Variants in EPS15L1 observed in about 807,000 individuals in gnomAD.
EPS15L1 encodes epidermal growth factor receptor pathway substrate 15 like 1.
EPS15L1 carries 43 observed loss-of-function variants against 117.1 expected under a neutral mutation model. The observed-to-expected ratio is 0.37, with a 90% CI of 0.29 to 0.47. EPS15L1 has a LOEUF of 0.47. Among genes scored for constraint, EPS15L1 ranks in the 20% least tolerant of loss-of-function variants. The pLI is 0.99. For synonymous variants in EPS15L1, 459 were observed against 470.5 expected (o/e 0.98, Z 0.32); for missense variants, 981 against 1,164.0 (o/e 0.84, Z 2.29).
At chr19:16,416,530 T>C (rs1234129597) in intron 12 of EPS15L1, among the ~76,000 whole-genome samples, 1 of 151,628 alleles carries the variant, frequency 6.6e-6, no homozygotes, top group East Asian at 1.9e-4. Context: ...CTCAGCTTCC[T>C]GGGAGGGTGA....
chr19:16,393,827 G>T, intron 18 of EPS15L1, 124 bp downstream of exon 18: 1 of 987,702 alleles, frequency 1.0e-6, no homozygotes. Context: ...TGGATGGACG[G>T]CCGTCCTTCC....
Position 16,404,659 on chromosome 19 carries a change from C to G in EPS15L1, c.1357G>C (p.Asp453His). 1 of 1,614,202 alleles carries G rather than the reference C, an allele frequency of 6.2e-7. No homozygotes were observed. The highest frequency in any genetic ancestry group is 8.5e-7 in the Non-Finnish European group (1 of 1,180,038). Residue 453 changes from aspartate to histidine, a missense_variant, in exon 14 of 24, where the codon GAC becomes CAC. By Grantham distance (81) the Asp-to-His change is moderately conservative. Around this residue, in one of 5 missense-constraint regions of EPS15L1, gnomAD observed 819 missense variants for 949.0 expected, o/e 0.86. Transcript: ENST00000455140. The surrounding 1 kb of genome is among the most constrained non-coding windows in gnomAD (Gnocchi z 4.2). ...QDAQDRLDEM[D>H]QQKAKLRDML... Reference sequence around the variant, plus strand: ...TCTCGGAGCTTGGCCTTCTGCTGGTCCATCTCGTCCAGGCGGTCTTGAGCA... The same window carrying G: ...TCTCGGAGCTTGGCCTTCTGCTGGTGCATCTCGTCCAGGCGGTCTTGAGCA...
chr19:16,401,684 G>A, intron 16 of EPS15L1: 1 of 985,446 alleles, frequency 1.0e-6, no homozygotes, highest in Non-Finnish European at 1.2e-6. Flanking sequence ...AGGGGCTCAA[G>A]AGCTCTCAAA....
At chr19:16,427,890 T>G (rs2092887775) in intron 8 of EPS15L1, among the ~76,000 whole-genome samples, 1 of 145,756 alleles carries the variant, frequency 6.9e-6, no homozygotes, top group African/African-American at 2.6e-5. Context: ...CAAGACTCCG[T>G]GTCAAAAAAA....
intron 15 of EPS15L1, 55 bp downstream of exon 15, chr19:16,403,678 C>T: frequency 6.5e-7 from 1 of 1,532,012 alleles, no homozygotes; most frequent in Admixed American, 1.7e-5. Context: ...GCAGCCTCGG[C>T]TCTTGGGGCT....
rs2092629808 is a variant in EPS15L1 at position 16,404,014 on chromosome 19, C to T, written c.1429-84G>A. The T allele has an allele frequency of 7.6e-7, 1 of 1,317,886 alleles. No individual in the cohort carries two copies. Among genetic ancestry groups the T allele is most frequent in the Admixed American group, 2.0e-5 (1 of 49,988 alleles). 81.6% of individuals were successfully genotyped at this position (1,317,886 alleles called of 1,614,324 possible). A position where few individuals can be genotyped will look rare whatever the true frequency, so the allele number is the denominator to read the frequency against. On this transcript the variant is annotated intron_variant, in intron 14 of 23. Transcript: ENST00000455140. The surrounding 1 kb of genome is among the most constrained non-coding windows in gnomAD (Gnocchi z 4.2). ...CCGAGAAAGAACTCTTAGCCCCCAT[C>T]CCCGAAACAAGCTAAGCCAGGGACG...
chr19:16,439,826 A>T (rs957690777), intron 4 of EPS15L1, among the ~76,000 whole-genome samples: 4 of 152,214 alleles, frequency 2.6e-5, no homozygotes, highest in Non-Finnish European at 2.9e-5. Context: ...GTCCCTTCTA[A>T]CAAAATGGCC....
chr19:16,427,826 G>A (rs1049097254), intron 8 of EPS15L1, among the ~76,000 whole-genome samples: 4 of 152,092 alleles, frequency 2.6e-5, no homozygotes, highest in African/African-American at 7.2e-5. Flanking sequence ...CCCAGGAGGT[G>A]GAGGCTGCAG....
intron 21 of EPS15L1, among the ~76,000 whole-genome samples, chr19:16,379,029 C>T (rs79157206): frequency 0.02 from 3,009 of 152,258 alleles, 105 homozygotes; most frequent in African/African-American, 0.069. Flanking sequence ...CCTGGCCGGG[C>T]GCACTGGCTC....
chr19:16,404,434 T>G lies in EPS15L1; in HGVS notation c.1428+154A>C, dbSNP rs1230227565. On this transcript the variant is annotated intron_variant, in intron 14 of 23. Coordinates refer to ENST00000455140, the MANE Select transcript of EPS15L1 (RefSeq NM_001258374.3). The surrounding 1 kb of genome is among the most constrained non-coding windows in gnomAD (Gnocchi z 4.2). Reference sequence around the variant, plus strand: ...GGTGGCCAGGAAGTCAAGCCACAGGTGCTTGGACACTTTTCCACGTGGTGT... The same window carrying G: ...GGTGGCCAGGAAGTCAAGCCACAGGGGCTTGGACACTTTTCCACGTGGTGT... Among the ~76,000 whole-genome samples, 1 of 152,140 alleles carries G rather than the reference T, an allele frequency of 6.6e-6. No individual in the cohort carries two copies. Among genetic ancestry groups the G allele is most frequent in the African/African-American group, 2.4e-5 (1 of 41,436 alleles).
chr19:16,471,974 G>T (rs7252649), upstream of EPS15L1: 863,211 of 1,268,168 alleles, frequency 0.68, 296,098 homozygotes, highest in South Asian at 0.76. The surrounding 1 kb of genome is among the most constrained non-coding windows in gnomAD (Gnocchi z 4.8). Context: ...TCCGAGCGCC[G>T]GGGGAACGGG....
At chr19:16,465,871 G>T (rs758639764) in intron 1 of EPS15L1, among the ~76,000 whole-genome samples, 2 of 151,772 alleles carry the variant, frequency 1.3e-5, no homozygotes, top group African/African-American at 2.4e-5. Flanking sequence ...TCCAAGACAA[G>T]AAACTATGGT....
intron 22 of EPS15L1, among the ~76,000 whole-genome samples, chr19:16,368,430 T>C (rs1233695824): frequency 6.6e-6 from 1 of 152,170 alleles, no homozygotes; most frequent in African/African-American, 2.4e-5. Flanking sequence ...CAACTCCCAT[T>C]CATCCTACAC....
At chr19:16,397,652 A>G (rs1056420494) in intron 16 of EPS15L1, among the ~76,000 whole-genome samples, 8 of 152,176 alleles carry the variant, frequency 5.3e-5, no homozygotes, top group African/African-American at 1.9e-4. Context: ...GTACTTATGC[A>G]GTTAGAATTA....
intron 21 of EPS15L1, among the ~76,000 whole-genome samples, chr19:16,380,650 G>A (rs1478414923): frequency 6.6e-6 from 1 of 152,172 alleles, no homozygotes; most frequent in Non-Finnish European, 1.5e-5. Flanking sequence ...CAGTCACACT[G>A]ACACAGCTAT....
intron 16 of EPS15L1, chr19:16,401,630 G>C (rs763437798): frequency 3.0e-5 from 30 of 985,288 alleles, no homozygotes; most frequent in Non-Finnish European, 3.6e-5. Flanking sequence ...GTGAACAGGG[G>C]GGATGTGACC....
At chr19:16,396,031 C>A (rs1423123196) in intron 16 of EPS15L1, among the ~76,000 whole-genome samples, 1 of 151,834 alleles carries the variant, frequency 6.6e-6, no homozygotes, top group East Asian at 1.9e-4. Context: ...TGCCTGAACC[C>A]AGGAGGTGGA....
At chr19:16,440,839 G>C (rs759100262) in intron 4 of EPS15L1, 23 bp downstream of exon 4, 3 of 1,613,034 alleles carry the variant, frequency 1.9e-6, no homozygotes, top group Admixed American at 3.3e-5. Context: ...CCCTCCATTT[G>C]CTCTGTGTAC....
At chr19:16,364,576 C>G (rs1219952030) in intron 22 of EPS15L1, among the ~76,000 whole-genome samples, 4 of 152,336 alleles carry the variant, frequency 2.6e-5, no homozygotes, top group African/African-American at 9.6e-5. Flanking sequence ...CACCTTGAGA[C>G]GGCCTCCCAT....
Sources: gnomAD v4.1 joint callset for allele counts (sites outside exome capture counted in the v4.1 genomes callset) on GRCh38, gnomAD v4.1.1 for gene constraint, gnomAD v4.1.1 regional missense constraint, Gnocchi (gnomAD v3.1) non-coding constraint, MANE v1.5 for transcripts, NCBI Gene and HGNC (gene_info 2026-07-23, HGNC 2026-07-21) for gene names.